The following SGCD variants were observed in gnomAD, a reference collection of about 807,000 sequenced individuals.
SGCD encodes the protein sarcoglycan delta, also known as delta-sarcoglycan.
A neutral mutation model predicts 36.6 loss-of-function variants in SGCD; 18 were observed. The ratio of observed to expected loss-of-function variants is 0.49; its 90% CI spans 0.34 to 0.73. The LOEUF is 0.73. Among genes scored for constraint, SGCD ranks in the 30% least tolerant of loss-of-function variants. The pLI, the probability that SGCD is intolerant of heterozygous loss-of-function variation, is 0.01. For missense variants in SGCD, 387 were observed against 346.7 expected (o/e 1.12, Z -0.92); for synonymous variants, 133 against 130.6 (o/e 1.02, Z -0.12).
intron 1 of SGCD, among the ~76,000 whole-genome samples, chr5:156,115,908 T>A (rs1329952445): frequency 1.3e-5 from 2 of 152,132 alleles, no homozygotes; most frequent in Non-Finnish European, 2.9e-5. Context: ...TTAGGTTGCA[T>A]GTTTTTGATC....
intron 1 of SGCD, among the ~76,000 whole-genome samples, chr5:155,959,185 A>C (rs1757735373): frequency 1.3e-5 from 2 of 152,180 alleles, no homozygotes; most frequent in African/African-American, 4.8e-5. Flanking sequence ...GTTTAACGTG[A>C]CATAGCTTAG....
At chr5:156,192,836 G>A (rs1303407451) in intron 3 of SGCD, among the ~76,000 whole-genome samples, 1 of 100,628 alleles carries the variant, frequency 9.9e-6, no homozygotes, top group Admixed American at 8.9e-5. Context: ...TGTTAACACA[G>A]GAGTGGATGA....
At chr5:156,456,891 G>T (rs1035683912) in intron 3 of SGCD, among the ~76,000 whole-genome samples, 24 of 152,132 alleles carry the variant, frequency 1.6e-4, no homozygotes, top group Non-Finnish European at 2.8e-4. Context: ...ATTATAAATG[G>T]TTTGTGGGTT....
rs574217277 is a variant in SGCD, at chr5:156,248,513, G to A, written c.-43-81021G>A. On this transcript the variant is annotated intron_variant, in intron 3 of 9. Coordinates refer to the SGCD transcript ENST00000517913. ...CAGCCTGGAGACAGAGTGAGGCTCC[G>A]TCTAAAAAAAACACAAACAAAAACC... 5.9e-5 allele frequency among the ~76,000 whole-genome samples: 9 copies of A among 152,004 alleles called. No homozygotes were observed. In the South Asian group the frequency reaches 1.9e-3, roughly 32 times the overall value.
intron 3 of SGCD, among the ~76,000 whole-genome samples, chr5:156,276,871 A>G (rs1345807998): frequency 1.3e-5 from 2 of 152,204 alleles, no homozygotes; most frequent in Non-Finnish European, 2.9e-5. Flanking sequence ...TTTACATAAC[A>G]TCCCTCTAGT....
In SGCD at chr5:156,460,619, T is replaced by G. The variant is rs553019017; in HGVS notation, c.193-47982T>G. On this transcript the variant is annotated intron_variant, in intron 3 of 8. Coordinates refer to ENST00000337851, the MANE Select transcript of SGCD (RefSeq NM_000337.6). ...ATGAATGAGTTAGTGACTGACTGAC[T>G]GACTGAATGAATGAATGATAATCTG... Among the ~76,000 whole-genome samples, 34 of 152,310 alleles carry G rather than the reference T, an allele frequency of 2.2e-4. 1 individual carries two copies. The South Asian group carries it at 5.4e-3, about 24-fold the overall frequency.
chr5:156,525,492 A>G (rs1383741619), intron 4 of SGCD, among the ~76,000 whole-genome samples: 2 of 151,302 alleles, frequency 1.3e-5, no homozygotes, highest in African/African-American at 4.9e-5. Flanking sequence ...TCAGGAAGGT[A>G]GTTTTCAAAT....
chr5:155,901,082 A>G (rs1400500667), intron 1 of SGCD, among the ~76,000 whole-genome samples: 1 of 152,048 alleles, frequency 6.6e-6, no homozygotes, highest in African/African-American at 2.4e-5. Context: ...ACACCCAGAC[A>G]GCAGGATTGC....
At chr5:156,383,458 C>T (rs1028676595) in intron 3 of SGCD, among the ~76,000 whole-genome samples, 2 of 151,942 alleles carry the variant, frequency 1.3e-5, no homozygotes, top group African/African-American at 2.4e-5. Context: ...GGGCCAAGAT[C>T]GCGCCACTGC....
chr5:156,034,086 T>C lies in SGCD; in HGVS notation c.-281-83792T>C, dbSNP rs576150780. ...CCCTGCCAATTTTTAATAGTCCCTC[T>C]CTCCTACCCCACTCCTCACACTTGA... On this transcript the variant is annotated intron_variant, in intron 1 of 9. Coordinates refer to the SGCD transcript ENST00000517913. Among the ~76,000 whole-genome samples, 394 of 152,248 alleles carry C rather than the reference T, an allele frequency of 2.6e-3. 2 individuals are homozygous for C. The highest frequency in any genetic ancestry group is 9.1e-3 in the African/African-American group (379 of 41,548).
At chr5:156,644,208 C>G (rs900305169) in intron 6 of SGCD, among the ~76,000 whole-genome samples, 1 of 152,100 alleles carries the variant, frequency 6.6e-6, no homozygotes, top group African/African-American at 2.4e-5. Flanking sequence ...TCAAATTTCA[C>G]GGATGCTATT....
At chr5:155,854,289 C>T in the SGCD span, among the ~76,000 whole-genome samples, 1 of 152,290 alleles carries the variant, frequency 6.6e-6, no homozygotes, top group African/African-American at 2.4e-5. Context: ...TGTCTCCAGA[C>T]TTTGCCAAAT....
intron 3 of SGCD, among the ~76,000 whole-genome samples, chr5:156,387,232 G>T (rs1003968486): frequency 6.4e-4 from 98 of 152,294 alleles, no homozygotes; most frequent in African/African-American, 2.2e-3. Flanking sequence ...GAAAGAGCAT[G>T]CTATGTTTAA....
chr5:155,801,295 T>C, the SGCD span, among the ~76,000 whole-genome samples: 2 of 152,206 alleles, frequency 1.3e-5, no homozygotes, highest in Admixed American at 1.3e-4. Context: ...CTACCACCCC[T>C]CTGCATCTGG....
chr5:155,734,140 A>G, the SGCD span, among the ~76,000 whole-genome samples: 1 of 147,476 alleles, frequency 6.8e-6, no homozygotes, highest in Non-Finnish European at 1.5e-5. Flanking sequence ...TATTAATTAT[A>G]TTAATTAATA....
At chr5:156,176,698 A>C (rs762950254) in intron 3 of SGCD, among the ~76,000 whole-genome samples, 8 of 152,246 alleles carry the variant, frequency 5.3e-5, no homozygotes, top group Non-Finnish European at 1.2e-4. Context: ...CCTCTGTTGC[A>C]GGCTCTAAAA....
At chr5:155,828,899 C>T in the SGCD span, among the ~76,000 whole-genome samples, 143 of 152,042 alleles carry the variant, frequency 9.4e-4, no homozygotes, top group Non-Finnish European at 1.7e-3. Flanking sequence ...GTTGGTCAGG[C>T]TAGTCTGAAA....
At chr5:155,995,221 G>A (rs1201154577) in intron 1 of SGCD, among the ~76,000 whole-genome samples, 1 of 152,160 alleles carries the variant, frequency 6.6e-6, no homozygotes. Flanking sequence ...CTCTACAAGA[G>A]GAGGTCCAGA....
intron 3 of SGCD, among the ~76,000 whole-genome samples, chr5:156,285,965 A>G (rs1186502804): frequency 6.6e-6 from 1 of 152,226 alleles, no homozygotes; most frequent in Non-Finnish European, 1.5e-5. Context: ...ATGAACTCCA[A>G]CAAATTTACA....
Sources: gnomAD v4.1 joint callset for allele counts (sites outside exome capture counted in the v4.1 genomes callset) on GRCh38, gnomAD v4.1.1 for gene constraint, MANE v1.5 for transcripts, NCBI Gene and HGNC (gene_info 2026-07-23, HGNC 2026-07-21) for gene names.